Variants in XRCC4 observed in about 807,000 individuals in gnomAD.
XRCC4 encodes X-ray repair cross complementing 4, also known as DNA repair protein XRCC4.
Under a neutral mutation model 39.1 loss-of-function variants are expected in XRCC4, and 28 were observed. The ratio of observed to expected loss-of-function variants is 0.72; its 90% CI spans 0.53 to 0.98. XRCC4 has a LOEUF of 0.98. Ranked by LOEUF, XRCC4 falls within the 50% of genes least tolerant of loss-of-function variation. The pLI, the probability that XRCC4 is intolerant of heterozygous loss-of-function variation, is 0.00. For missense variants in XRCC4, 350 were observed against 376.4 expected (o/e 0.93, Z 0.58); for synonymous variants, 123 against 126.4 (o/e 0.97, Z 0.18).
At chr5:83,192,780 ATC>A (rs1224322345) in intron 3 of XRCC4, among the ~76,000 whole-genome samples, 4 of 152,196 alleles carry the variant, frequency 2.6e-5, no homozygotes, top group Non-Finnish European at 1.5e-5. Context: ...TCTTAATTTT[ATC>A]TGTTTCTAAC....
At chr5:83,367,276 T>C in the XRCC4 span, among the ~76,000 whole-genome samples, 1 of 152,186 alleles carries the variant, frequency 6.6e-6, no homozygotes, top group Admixed American at 6.5e-5. Context: ...CAGACTCTCT[T>C]AGCATTGATA....
At chr5:83,134,500 G>T (rs1747782134) in intron 3 of XRCC4, among the ~76,000 whole-genome samples, 1 of 152,126 alleles carries the variant, frequency 6.6e-6, no homozygotes, top group South Asian at 2.1e-4. Flanking sequence ...GCATCAATCA[G>T]CACTCTCTCA....
At chr5:83,266,315 A>G (rs1305225277) in intron 7 of XRCC4, among the ~76,000 whole-genome samples, 2 of 150,396 alleles carry the variant, frequency 1.3e-5, no homozygotes, top group African/African-American at 4.9e-5. Flanking sequence ...TAAATCATCT[A>G]GTATGATGTG....
chr5:83,181,068 C>T (rs1247724561), intron 3 of XRCC4, among the ~76,000 whole-genome samples: 8 of 89,360 alleles, frequency 9.0e-5, no homozygotes, highest in East Asian at 7.5e-4. Flanking sequence ...TTTTTTTTTG[C>T]GAATTCTATT....
intron 7 of XRCC4, among the ~76,000 whole-genome samples, chr5:83,278,437 T>A (rs1754411446): frequency 6.6e-6 from 1 of 152,138 alleles, no homozygotes; most frequent in South Asian, 2.1e-4. Context: ...TTATAGATAA[T>A]AGAAATTTAC....
chr5:83,230,588 G>A (rs971519825), intron 6 of XRCC4, among the ~76,000 whole-genome samples: 4 of 151,964 alleles, frequency 2.6e-5, no homozygotes, highest in African/African-American at 7.2e-5. Context: ...AATAGCATCT[G>A]ATAGTTACAT....
chr5:83,155,488 T>C (rs1398230330), intron 3 of XRCC4, among the ~76,000 whole-genome samples: 1 of 152,162 alleles, frequency 6.6e-6, no homozygotes, highest in Non-Finnish European at 1.5e-5. Context: ...TTGGAAACAG[T>C]TGTATAATAG....
At chr5:83,279,825 G>A (rs1179369893) in intron 7 of XRCC4, 2 of 153,102 alleles carry the variant, frequency 1.3e-5, no homozygotes, top group Admixed American at 1.3e-4. Flanking sequence ...TTTAACAGAT[G>A]CTTTCTGACT....
At chr5:83,094,395 C>T (rs1301836669) in intron 1 of XRCC4, among the ~76,000 whole-genome samples, 1 of 137,126 alleles carries the variant, frequency 7.3e-6, no homozygotes, top group South Asian at 2.5e-4. Context: ...CCTCTCCCCT[C>T]TTCTCCTCTC....
At chr5:83,208,541 C>T (rs1580372376) in intron 6 of XRCC4, among the ~76,000 whole-genome samples, 1 of 151,940 alleles carries the variant, frequency 6.6e-6, no homozygotes, top group East Asian at 1.9e-4. Context: ...AATACGCAAT[C>T]AATTTATGGC....
rs193239281 is a variant in XRCC4 at position 83,176,233 on chromosome 5, G to A, written c.316-19537G>A. ...TTTTATCAACCTTCAAATACTTTTT[G>A]GGTGCTAAGGATATGCTGATAAAGA... On this transcript the variant is annotated intron_variant, in intron 3 of 7. Transcript: ENST00000396027. 5.1e-3 allele frequency among the ~76,000 whole-genome samples: 769 copies of A among 152,010 alleles called. 8 individuals are homozygous for A. The highest frequency in any genetic ancestry group is 0.018 in the African/African-American group (738 of 41,462).
the XRCC4 span, among the ~76,000 whole-genome samples, chr5:83,371,901 T>G: frequency 6.6e-6 from 1 of 152,192 alleles, no homozygotes; most frequent in Admixed American, 6.5e-5. Flanking sequence ...AAACACATTT[T>G]AAATCAAAGT....
rs541599885 is a variant in XRCC4 at position 83,286,079 on chromosome 5, G to T, written c.893+27402G>T. 3.3e-5 allele frequency among the ~76,000 whole-genome samples: 5 copies of T among 152,234 alleles called. No individual in the cohort carries two copies. In the South Asian group the frequency reaches 1.0e-3, roughly 32 times the overall value. On this transcript the variant is annotated intron_variant, in intron 7 of 7. Coordinates refer to ENST00000396027, the MANE Select transcript of XRCC4 (RefSeq NM_003401.5). ...AAGATAATAGACATAGCTGGGTGAG[G>T]TTCTAAAGATGGAATAATTTGGCAC...
intron 3 of XRCC4, among the ~76,000 whole-genome samples, chr5:83,193,987 G>T (rs548710414): frequency 6.6e-6 from 1 of 152,086 alleles, no homozygotes; most frequent in African/African-American, 2.4e-5. Context: ...AGGCTGGAGT[G>T]CAGTGGCACA....
chr5:83,194,945 C>G (rs1750875500), intron 3 of XRCC4, among the ~76,000 whole-genome samples: 1 of 152,054 alleles, frequency 6.6e-6, no homozygotes, highest in Non-Finnish European at 1.5e-5. Flanking sequence ...TATATTTTTG[C>G]TACACTTGAG....
chr5:83,313,884 G>C (rs972403878), intron 7 of XRCC4, among the ~76,000 whole-genome samples: 2 of 151,836 alleles, frequency 1.3e-5, no homozygotes, highest in Non-Finnish European at 2.9e-5. Flanking sequence ...CTAATTGATT[G>C]TACTCGTCTC....
intron 7 of XRCC4, among the ~76,000 whole-genome samples, chr5:83,341,955 G>T (rs923574234): frequency 6.6e-6 from 1 of 152,194 alleles, no homozygotes; most frequent in Admixed American, 6.6e-5. Flanking sequence ...AGTGAGGGAA[G>T]TTTCGTTTGT....
intron 1 of XRCC4, among the ~76,000 whole-genome samples, chr5:83,088,794 T>G (rs2112306342): frequency 6.6e-6 from 1 of 152,366 alleles, no homozygotes; most frequent in South Asian, 2.1e-4. Flanking sequence ...TCTAATAAGA[T>G]AATCATTCTT....
intron 7 of XRCC4, among the ~76,000 whole-genome samples, chr5:83,315,308 G>C (rs1430488142): frequency 6.6e-6 from 1 of 152,114 alleles, no homozygotes. Context: ...TGGTTTAGGA[G>C]GTTTCAGGAA....
Sources: gnomAD v4.1 joint callset for allele counts (sites outside exome capture counted in the v4.1 genomes callset) on GRCh38, gnomAD v4.1.1 for gene constraint, MANE v1.5 for transcripts, NCBI Gene and HGNC (gene_info 2026-07-23, HGNC 2026-07-21) for gene names.